ANKS1A: variants seen among roughly 807,000 people sequenced by gnomAD.
The protein encoded by ANKS1A is ankyrin repeat and SAM domain-containing protein 1A.
Under a neutral mutation model 120.3 loss-of-function variants are expected in ANKS1A, and 55 were observed. That is an observed-to-expected ratio of 0.46 (90% confidence interval 0.37 to 0.57). ANKS1A has a LOEUF of 0.57. ANKS1A is among the 20% of genes least tolerant of loss of function. The pLI is 0.00. For synonymous variants in ANKS1A, 590 were observed against 604.7 expected, an observed-to-expected ratio of 0.98 and a Z score of 0.36; for missense variants, 1,123 against 1,480.3, an observed-to-expected ratio of 0.76 and a Z score of 3.96.
intron 3 of ANKS1A, among the ~76,000 whole-genome samples, chr6:34,979,593 TG>T (rs1266112578): frequency 6.6e-6 from 1 of 151,998 alleles, no homozygotes; most frequent in Non-Finnish European, 1.5e-5. Flanking sequence ...TTTGTTTTTT[TG>T]GTTTTTTTTT....
intron 1 of ANKS1A, among the ~76,000 whole-genome samples, chr6:34,913,781 C>T (rs2127459324): frequency 6.6e-6 from 1 of 152,180 alleles, no homozygotes; most frequent in South Asian, 2.1e-4. Flanking sequence ...TATAGGCGTG[C>T]ACCACCACAC....
chr6:35,070,812 CCTTT>C (rs1777046587), intron 13 of ANKS1A: 1 of 496,360 alleles, frequency 2.0e-6, no homozygotes, highest in African/African-American at 2.0e-5. Flanking sequence ...CCCAGACACC[CCTTT>C]CTTTTTTCTT....
chr6:34,903,468 G>T (rs1767469849), intron 1 of ANKS1A, among the ~76,000 whole-genome samples: 1 of 150,910 alleles, frequency 6.6e-6, no homozygotes, highest in South Asian at 2.1e-4. Flanking sequence ...AGGACTACAG[G>T]CATGCACCAC....
chr6:34,993,295 A>T (rs576109431), intron 9 of ANKS1A, among the ~76,000 whole-genome samples: 30 of 152,348 alleles, frequency 2.0e-4, no homozygotes, highest in African/African-American at 7.0e-4. Flanking sequence ...CTGTAGCACT[A>T]ATTGTGGTAT....
intron 11 of ANKS1A, among the ~76,000 whole-genome samples, chr6:35,031,571 C>T (rs1230380967): frequency 6.6e-6 from 1 of 152,162 alleles, no homozygotes; most frequent in Non-Finnish European, 1.5e-5. Context: ...GCCAGGGTTT[C>T]CTTCCAAAAT....
chr6:34,996,143 T>TA (rs1456055169), intron 10 of ANKS1A, among the ~76,000 whole-genome samples: 2 of 152,230 alleles, frequency 1.3e-5, no homozygotes, highest in Non-Finnish European at 2.9e-5. Flanking sequence ...TTCTAGTAGA[T>TA]ACGTGGTGTT....
At chr6:34,992,711 T>C (rs1772640947) in intron 9 of ANKS1A, among the ~76,000 whole-genome samples, 1 of 152,234 alleles carries the variant, frequency 6.6e-6, no homozygotes, top group African/African-American at 2.4e-5. Context: ...AAATGGCTCA[T>C]TGTAATGAAA....
rs1204105508 is a variant in ANKS1A, at chr6:35,017,710, C to A, written c.1661C>A (p.Ala554Asp). 3 of 1,613,878 alleles carry A rather than the reference C, an allele frequency of 1.9e-6. No homozygotes were observed. In the Admixed American group the frequency reaches 5.0e-5, roughly 27 times the overall value. ...GAGACGGGTGTGCATGCTCCTGGAG[C>A]CTCCCAGCCCAGTGCCCTGGACCAG... ...LEETGVHAPG[A>D]SQPSALDQSK... Residue 554 changes from alanine (A) to aspartate (D), a missense_variant, in exon 11 of 24, where the codon GCC becomes GAC. Ala to Asp is a moderately radical substitution (Grantham distance 126). Coordinates refer to ENST00000360359, the MANE Select transcript of ANKS1A (RefSeq NM_015245.3).
At chr6:34,966,041 C>A (rs945241092) in intron 1 of ANKS1A, among the ~76,000 whole-genome samples, 3 of 152,244 alleles carry the variant, frequency 2.0e-5, no homozygotes, top group Middle Eastern at 3.4e-3. Flanking sequence ...TCGCACCTGG[C>A]CTGTGTCATT....
chr6:34,949,473 C>G (rs1769962074), intron 1 of ANKS1A, among the ~76,000 whole-genome samples: 2 of 152,258 alleles, frequency 1.3e-5, no homozygotes, highest in Middle Eastern at 6.8e-3. Flanking sequence ...GTGACAGCAT[C>G]ATAGAGAATG....
intron 1 of ANKS1A, among the ~76,000 whole-genome samples, chr6:34,890,186 G>A (rs1259699068): frequency 2.6e-5 from 4 of 152,004 alleles, no homozygotes; most frequent in Admixed American, 6.6e-5. Context: ...CCGCCTCCCG[G>A]GTTCAAGCGA....
intron 13 of ANKS1A, among the ~76,000 whole-genome samples, chr6:35,063,994 C>G (rs1266035519): frequency 3.3e-5 from 5 of 152,202 alleles, no homozygotes; most frequent in Non-Finnish European, 7.3e-5. Context: ...CAGGAAAGGC[C>G]TGCTGAGAGG....
intron 2 of ANKS1A, among the ~76,000 whole-genome samples, 168 bp from the exon 3 acceptor site, chr6:34,969,842 C>G (rs1212391201): frequency 6.6e-6 from 1 of 152,086 alleles, no homozygotes; most frequent in Non-Finnish European, 1.5e-5. Flanking sequence ...AGCAGCTGTA[C>G]AAGTAGCTCA....
downstream of ANKS1A, among the ~76,000 whole-genome samples, chr6:35,095,879 C>T (rs1200094552): frequency 1.3e-5 from 2 of 152,216 alleles, no homozygotes; most frequent in African/African-American, 4.8e-5. Flanking sequence ...ATAATTATCT[C>T]AAAACAATTA....
chr6:34,933,101 C>T (rs768654158), intron 1 of ANKS1A, among the ~76,000 whole-genome samples: 1 of 152,190 alleles, frequency 6.6e-6, no homozygotes, highest in Non-Finnish European at 1.5e-5. Context: ...TGCTTATTAG[C>T]CATTTGTGTA....
chr6:35,039,871 G>C (rs1775369753), intron 11 of ANKS1A, among the ~76,000 whole-genome samples: 1 of 152,216 alleles, frequency 6.6e-6, no homozygotes, highest in Non-Finnish European at 1.5e-5. Context: ...CATAGTTCTA[G>C]AGGCTGGGAA....
chr6:34,932,719 G>T (rs1769050598), intron 1 of ANKS1A, among the ~76,000 whole-genome samples: 1 of 152,146 alleles, frequency 6.6e-6, no homozygotes, highest in Admixed American at 6.5e-5. Flanking sequence ...ATATTCCATT[G>T]TATGAGTATA....
chr6:35,031,547 A>C (rs1267635209), intron 11 of ANKS1A, among the ~76,000 whole-genome samples: 1 of 151,878 alleles, frequency 6.6e-6, no homozygotes, highest in East Asian at 1.9e-4. Context: ...CCTCCTCCCC[A>C]TTTTGTGCCA....
intron 11 of ANKS1A, among the ~76,000 whole-genome samples, chr6:35,022,229 T>G (rs1263999231): frequency 6.6e-6 from 1 of 151,966 alleles, no homozygotes; most frequent in East Asian, 1.9e-4. Flanking sequence ...AGAAGAGAGG[T>G]TGGAGAGAAA....
Sources: allele counts gnomAD v4.1 joint callset (sites outside exome capture counted in the v4.1 genomes callset), GRCh38; gene constraint gnomAD v4.1.1; transcripts MANE v1.5; gene names NCBI Gene and HGNC (gene_info 2026-07-23, HGNC 2026-07-21).